LRRD1: variants seen among roughly 807,000 people sequenced by gnomAD.
LRRD1 encodes leucine rich repeats and death domain containing 1.
In LRRD1, 49 loss-of-function variants were observed where a neutral mutation model predicts 69.5. The ratio of observed to expected loss-of-function variants is 0.70; its 90% CI spans 0.56 to 0.89. The LOEUF (loss-of-function observed/expected upper bound fraction) is 0.89, where lower values mean the gene tolerates loss of function less well. Among genes scored for constraint, LRRD1 ranks in the 40% least tolerant of loss-of-function variants. The pLI is 0.00. For synonymous variants in LRRD1, 303 were observed against 338.9 expected (o/e 0.89, Z 1.16); for missense variants, 853 against 956.0 (o/e 0.89, Z 1.42).
In LRRD1 at chr7:92,164,448, T is replaced by G; in HGVS notation, c.755A>C (p.Asp252Ala). The change falls in exon 2 of 6, where the codon GAC becomes GCC. Residue 252 changes from aspartate (D) to alanine (A), a missense_variant. By Grantham distance (126) the Asp-to-Ala change is moderately radical (BLOSUM62 -2). This residue lies in a region of LRRD1 where 739 missense variants were observed against 808.0 expected (regional missense o/e 0.91). Coordinates refer to ENST00000458448, the MANE Select transcript of LRRD1 (RefSeq NM_001161528.2). ...TTCCAAGTTTCCAAGACATTCTAAG[T>G]CAGAAGGAAAATTTTCAATGTAATT... ...YNNYIENFPS[D>A]LECLGNLEIL... 1 of 1,550,138 alleles carries G rather than the reference T, an allele frequency of 6.5e-7. No individual in the cohort carries two copies. Among genetic ancestry groups the G allele is most frequent in the Non-Finnish European group, 8.7e-7 (1 of 1,146,388 alleles).
intron 1 of LRRD1, among the ~76,000 whole-genome samples, chr7:92,173,641 G>A (rs971077075): frequency 6.6e-6 from 1 of 152,118 alleles, no homozygotes; most frequent in African/African-American, 2.4e-5. Flanking sequence ...ATCATTTTAT[G>A]CCAGTTAAAA....
At chr7:92,142,476 G>T (rs1398719502), downstream of LRRD1, 1 of 456,662 alleles carries the variant, frequency 2.2e-6, no homozygotes, top group African/African-American at 2.0e-5. Context: ...CAGAAAGAGT[G>T]CATCTTCCAT....
At chr7:92,156,276 G>T (rs994271641) in intron 3 of LRRD1, among the ~76,000 whole-genome samples, 1 of 152,120 alleles carries the variant, frequency 6.6e-6, no homozygotes, top group Non-Finnish European at 1.5e-5. Flanking sequence ...CTTCAAAATT[G>T]TTTCAGCTAT....
At chr7:92,152,707 G>T (rs1368344413) in intron 3 of LRRD1, among the ~76,000 whole-genome samples, 5 of 143,492 alleles carry the variant, frequency 3.5e-5, no homozygotes. Flanking sequence ...GTCTCGCTCT[G>T]TTGCCCACGC....
At chr7:92,165,355 T>C (rs1190035477) in intron 1 of LRRD1, 79 bp from the exon 2 acceptor site, 1 of 398,280 alleles carries the variant, frequency 2.5e-6, no homozygotes, top group East Asian at 3.7e-5. Context: ...TATTTTATTT[T>C]ATAAGAAATA....
chr7:92,148,368 A>G (rs1231472518), intron 4 of LRRD1, among the ~76,000 whole-genome samples: 7 of 152,134 alleles, frequency 4.6e-5, no homozygotes, highest in Admixed American at 1.3e-4. Context: ...CACTGCCCCC[A>G]GCCTGTGAGA....
At chr7:92,165,344 CTATTT>C (rs1449697581) in intron 1 of LRRD1, 68 bp from the exon 2 acceptor site, 18 of 417,232 alleles carry the variant, frequency 4.3e-5, no homozygotes, top group African/African-American at 3.0e-4. Context: ...CTTAATACAA[CTATTT>C]TATTTTATAA....
chr7:92,148,712 C>T (rs984282852), intron 4 of LRRD1, among the ~76,000 whole-genome samples: 41 of 152,198 alleles, frequency 2.7e-4, no homozygotes, highest in African/African-American at 8.9e-4. Flanking sequence ...TAGAAAACCC[C>T]GAAAATCTTT....
chr7:92,159,818 G>C (rs1788759688), intron 2 of LRRD1, among the ~76,000 whole-genome samples: 1 of 151,776 alleles, frequency 6.6e-6, no homozygotes, highest in Non-Finnish European at 1.5e-5. Flanking sequence ...ATGGGGTTTT[G>C]CCATGTTGGC....
Position 92,163,616 on chromosome 7 carries a change from A to G in LRRD1, c.1587T>C (p.Phe529=), listed in dbSNP as rs1788836846. ...GGTATTTAAGATTAATAAGAGAACA[A>G]AAGTGCTCAGAAAATATGAGGAGTT... ...ENKLLIFSEH[F]CSLINLKYLD... is the part of the protein sequence containing the mutation. Residue 529 remains phenylalanine (F), a synonymous_variant, in exon 2 of 6, where the codon TTT becomes TTC. Transcript: ENST00000458448. 1 of 1,520,600 alleles carries G rather than the reference A, an allele frequency of 6.6e-7. No individual in the cohort carries two copies. Among genetic ancestry groups the G allele is most frequent in the East Asian group, 2.5e-5 (1 of 40,690 alleles). 94.2% of individuals were successfully genotyped at this position (1,520,600 alleles called of 1,614,324 possible).
At chr7:92,146,948 A>G (rs1023332581) in intron 4 of LRRD1, among the ~76,000 whole-genome samples, 1 of 152,106 alleles carries the variant, frequency 6.6e-6, no homozygotes, top group Non-Finnish European at 1.5e-5. Context: ...AATGACAATG[A>G]CAATGCAGAT....
At chr7:92,147,745 T>C (rs1333870363) in intron 4 of LRRD1, among the ~76,000 whole-genome samples, 1 of 152,070 alleles carries the variant, frequency 6.6e-6, no homozygotes, top group Non-Finnish European at 1.5e-5. Context: ...TTCTTTTCTT[T>C]CTTTTAGACA....
At chr7:92,149,393 C>G (rs767006935) in intron 4 of LRRD1, among the ~76,000 whole-genome samples, 2 of 152,196 alleles carry the variant, frequency 1.3e-5, no homozygotes, top group Admixed American at 1.3e-4. Flanking sequence ...GGACCAAAAT[C>G]TGGATTCATT....
At chr7:92,178,499 C>G (rs896194608) in intron 1 of LRRD1, among the ~76,000 whole-genome samples, 3 of 151,860 alleles carry the variant, frequency 2.0e-5, no homozygotes, top group Non-Finnish European at 2.9e-5. Flanking sequence ...GGTGAAACCC[C>G]GTCTCTACTA....
downstream of LRRD1, chr7:92,142,569 T>C (rs934613535): frequency 1.3e-5 from 6 of 455,404 alleles, no homozygotes; most frequent in Non-Finnish European, 4.4e-6. Flanking sequence ...GGGTTCTTCG[T>C]CTCACTGACT....
At chr7:92,165,325 CAAAT>C (rs1252057893) in intron 1 of LRRD1, 49 bp from the exon 2 acceptor site, 15 of 462,884 alleles carry the variant, frequency 3.2e-5, no homozygotes, top group Non-Finnish European at 4.4e-5. Context: ...GTCAAAATGA[CAAAT>C]AAATCTTAAT....
Position 92,165,840 on chromosome 7 carries a change from A to C in LRRD1, c.-74-564T>G, listed in dbSNP as rs186298818. On this transcript the variant is annotated intron_variant, in intron 1 of 5. Coordinates refer to ENST00000458448, the MANE Select transcript of LRRD1 (RefSeq NM_001161528.2). Reference sequence around the variant, plus strand: ...TGCACCATTGCACTCCAGCCTGGGCAACAAGAGTGAAACTCCATCTCAAAA... The same window carrying C: ...TGCACCATTGCACTCCAGCCTGGGCCACAAGAGTGAAACTCCATCTCAAAA... Among the ~76,000 whole-genome samples, 57 of 149,408 alleles carry C rather than the reference A, an allele frequency of 3.8e-4. 1 individual carries two copies. In the East Asian group the frequency reaches 8.1e-3, roughly 21 times the overall value.
intron 1 of LRRD1, among the ~76,000 whole-genome samples, chr7:92,175,851 A>G (rs2131028789): frequency 6.6e-6 from 1 of 152,336 alleles, no homozygotes; most frequent in East Asian, 1.9e-4. Flanking sequence ...GTCTCCAACA[A>G]TTTATTTTTC....
At chr7:92,173,855 A>C (rs1280698161) in intron 1 of LRRD1, among the ~76,000 whole-genome samples, 1 of 151,256 alleles carries the variant, frequency 6.6e-6, no homozygotes, top group Non-Finnish European at 1.5e-5. Flanking sequence ...GAAAATCACT[A>C]TATCAAAGAG....
Sources: allele counts gnomAD v4.1 joint callset (sites outside exome capture counted in the v4.1 genomes callset), GRCh38; gene constraint gnomAD v4.1.1; regional missense constraint gnomAD v4.1.1; transcripts MANE v1.5; gene names NCBI Gene and HGNC (gene_info 2026-07-23, HGNC 2026-07-21).